Variants in STK32B observed in about 807,000 individuals in gnomAD.
STK32B encodes serine/threonine-protein kinase 32B.
STK32B carries 43 observed loss-of-function variants against 52.6 expected under a neutral mutation model. The ratio of observed to expected loss-of-function variants is 0.82; its 90% CI spans 0.64 to 1.05. The LOEUF is 1.05. Among genes scored for constraint, STK32B ranks in the 50% least tolerant of loss-of-function variants. STK32B has a pLI of 0.00. For synonymous variants in STK32B, 238 were observed against 204.3 expected, an observed-to-expected ratio of 1.17 and a Z score of -1.41; for missense variants, 621 against 534.6, an observed-to-expected ratio of 1.16 and a Z score of -1.59.
intron 1 of STK32B, among the ~76,000 whole-genome samples, chr4:5,074,939 T>G (rs1711989035): frequency 6.6e-6 from 1 of 152,122 alleles, no homozygotes; most frequent in Admixed American, 6.5e-5. Flanking sequence ...ACACTTAATT[T>G]GAACTTCAAA....
intron 3 of STK32B, among the ~76,000 whole-genome samples, chr4:5,273,880 T>A (rs1051002701): frequency 1.4e-5 from 2 of 146,940 alleles, no homozygotes; most frequent in Admixed American, 6.8e-5. Flanking sequence ...TTGGAAGATA[T>A]ACCTAATGCT....
At chr4:5,343,831 T>C (rs1383770296) in intron 4 of STK32B, among the ~76,000 whole-genome samples, 1 of 152,174 alleles carries the variant, frequency 6.6e-6, no homozygotes, top group Non-Finnish European at 1.5e-5. Context: ...CTGAAAAGTT[T>C]GTGAGGGAGG....
chr4:5,463,116 G>A (rs898126344), intron 9 of STK32B, among the ~76,000 whole-genome samples: 2 of 152,250 alleles, frequency 1.3e-5, no homozygotes, highest in Non-Finnish European at 2.9e-5. Context: ...TGCTCTGCGC[G>A]CATTCCCGTG....
chr4:5,296,803 A>G (rs546607665), intron 3 of STK32B, among the ~76,000 whole-genome samples: 3 of 152,332 alleles, frequency 2.0e-5, no homozygotes, highest in African/African-American at 7.2e-5. Context: ...TGATCCTGTC[A>G]TTATGATGCT....
At chr4:5,262,026 C>T (rs1236039663) in intron 3 of STK32B, among the ~76,000 whole-genome samples, 4 of 152,184 alleles carry the variant, frequency 2.6e-5, no homozygotes, top group Non-Finnish European at 4.4e-5. Context: ...ATAACTCGCT[C>T]CATTTCATTG....
rs1190377835 is a variant in STK32B at position 5,467,481 on chromosome 4, C to CA, written c.1042-524dup. Among the ~76,000 whole-genome samples the CA allele has an allele frequency of 6.6e-6, 1 of 152,160 alleles. No individual in the cohort carries two copies. Among genetic ancestry groups the CA allele is most frequent in the Admixed American group, 6.5e-5 (1 of 15,282 alleles). On this transcript the variant is annotated intron_variant, in intron 10 of 11. Coordinates refer to ENST00000282908, the MANE Select transcript of STK32B (RefSeq NM_018401.3). This position sits in a 1 kb window ranked among gnomAD's most constrained non-coding sequence, Gnocchi z 5.8. ...TCATATGGCCTTCATATAAGGACCC[C>CA]AGTCATTGGTCTTAGGGCCTACCTA...
At chr4:5,120,996 T>C (rs1181454013) in intron 1 of STK32B, among the ~76,000 whole-genome samples, 1 of 152,132 alleles carries the variant, frequency 6.6e-6, no homozygotes. Flanking sequence ...AGTTCTTTAG[T>C]GGTGATTTCT....
upstream of STK32B, among the ~76,000 whole-genome samples, chr4:5,050,885 G>T (rs1401619735): frequency 6.6e-6 from 1 of 152,176 alleles, no homozygotes; most frequent in Non-Finnish European, 1.5e-5. Context: ...AATTTTGGGG[G>T]AATCCCGAGA....
At chr4:5,430,453 C>G (rs778101559) in intron 6 of STK32B, among the ~76,000 whole-genome samples, 1 of 152,134 alleles carries the variant, frequency 6.6e-6, no homozygotes, top group African/African-American at 2.4e-5. Flanking sequence ...TTGAAATCCC[C>G]GTCTGTTAAC....
At chr4:5,230,178 C>CTTTTTTTTTTTTTTTTTTTTTTTTTTTT (rs752036100) in intron 3 of STK32B, among the ~76,000 whole-genome samples, 20 of 71,124 alleles carry the variant, frequency 2.8e-4, no homozygotes, top group Middle Eastern at 9.4e-3. Context: ...CATGCATTCC[C>CTTTTTTTTTTTTTTTTTTTTTTTTTTTT]TTTTTTTTTT....
chr4:5,369,537 A>G (rs539859165), intron 4 of STK32B, among the ~76,000 whole-genome samples: 57 of 152,200 alleles, frequency 3.7e-4, no homozygotes, highest in Admixed American at 1.8e-3. Flanking sequence ...TCTGATGTCT[A>G]CCTGTGGGAC....
intron 3 of STK32B, among the ~76,000 whole-genome samples, chr4:5,178,497 C>T (rs1307729115): frequency 2.0e-5 from 3 of 152,214 alleles, no homozygotes; most frequent in South Asian, 2.1e-4. Flanking sequence ...GCATTTGGCT[C>T]CTCATTACTT....
chr4:5,488,511 AAAT>A (rs1396172265), intron 11 of STK32B, among the ~76,000 whole-genome samples: 1 of 152,188 alleles, frequency 6.6e-6, no homozygotes, highest in Admixed American at 6.5e-5. Flanking sequence ...AGGTTATCAT[AAAT>A]AATTACCTTT....
chr4:5,429,184 A>C (rs1228246317), intron 6 of STK32B, among the ~76,000 whole-genome samples: 1 of 152,104 alleles, frequency 6.6e-6, no homozygotes, highest in Non-Finnish European at 1.5e-5. Context: ...TTTCTAACCT[A>C]TCTCTTTGTC....
At chr4:5,445,243 C>G (rs774146746) in intron 6 of STK32B, among the ~76,000 whole-genome samples, 2 of 152,292 alleles carry the variant, frequency 1.3e-5, no homozygotes, top group Non-Finnish European at 2.9e-5. Flanking sequence ...TGGTCAGATT[C>G]AAGTGTGTAG....
chr4:5,099,804 C>G (rs865957595), intron 1 of STK32B, among the ~76,000 whole-genome samples: 1 of 152,064 alleles, frequency 6.6e-6, no homozygotes, highest in African/African-American at 2.4e-5. Flanking sequence ...ATGAGAGTTG[C>G]GCCCATTCTG....
chr4:5,441,071 T>A (rs879265075), intron 6 of STK32B, among the ~76,000 whole-genome samples: 21 of 150,050 alleles, frequency 1.4e-4, no homozygotes, highest in Non-Finnish European at 2.7e-4. Context: ...ATTCTCTTTT[T>A]TGGTTGTGTC....
At chr4:5,170,959 CCAG>C (rs1198435612) in intron 3 of STK32B, among the ~76,000 whole-genome samples, 3 of 152,222 alleles carry the variant, frequency 2.0e-5, no homozygotes, top group African/African-American at 7.2e-5. Context: ...CACATCCTCT[CCAG>C]CACCTGTTGT....
chr4:5,484,953 G>A (rs553416265), intron 11 of STK32B, among the ~76,000 whole-genome samples: 128 of 152,286 alleles, frequency 8.4e-4, no homozygotes, highest in African/African-American at 2.8e-3. Flanking sequence ...TCTGCCTAGC[G>A]ATCAGCTGTT....
Sources: allele counts gnomAD v4.1 joint callset (sites outside exome capture counted in the v4.1 genomes callset), GRCh38; gene constraint gnomAD v4.1.1; non-coding constraint Gnocchi (gnomAD v3.1); transcripts MANE v1.5; gene names NCBI Gene and HGNC (gene_info 2026-07-23, HGNC 2026-07-21).